EFNA5: variants seen among roughly 807,000 people sequenced by gnomAD.
The protein encoded by EFNA5 is ephrin A5.
EFNA5 carries 5 observed loss-of-function variants against 22.9 expected under a neutral mutation model. The observed-to-expected ratio is 0.22, with a 90% CI of 0.11 to 0.46. EFNA5 has a LOEUF of 0.46. Ranked by LOEUF, EFNA5 falls within the 20% of genes least tolerant of loss-of-function variation. The probability of loss-of-function intolerance (pLI) is 0.99; values close to 1 mark genes in which losing one functional copy is unlikely to be tolerated. For missense variants in EFNA5, 237 were observed against 293.3 expected, an observed-to-expected ratio of 0.81 and a Z score of 1.40; for synonymous variants, 113 against 112.2, an observed-to-expected ratio of 1.01 and a Z score of -0.04.
intron 1 of EFNA5, among the ~76,000 whole-genome samples, chr5:107,534,293 G>C (rs1360979583): frequency 2.0e-5 from 3 of 152,116 alleles, no homozygotes; most frequent in Admixed American, 6.5e-5. Context: ...CTTCTGTAAG[G>C]AACATTACTT....
chr5:107,427,538 A>G (rs2112421393), intron 1 of EFNA5, 29 bp from the exon 2 acceptor site: 1 of 1,558,344 alleles, frequency 6.4e-7, no homozygotes, highest in Non-Finnish European at 8.7e-7. Context: ...AAAATGTGAT[A>G]ATTCATAGAG....
chr5:107,625,211 T>A (rs1242385853), intron 1 of EFNA5, among the ~76,000 whole-genome samples: 3 of 152,168 alleles, frequency 2.0e-5, no homozygotes, highest in Admixed American at 2.0e-4. Context: ...GCCATTGGTT[T>A]GACTCAACTG....
At chr5:107,536,865 G>C (rs1479518039) in intron 1 of EFNA5, among the ~76,000 whole-genome samples, 4 of 152,166 alleles carry the variant, frequency 2.6e-5, no homozygotes, top group African/African-American at 9.7e-5. Flanking sequence ...CCAGCACTTT[G>C]GGAGGCCAAG....
At chr5:107,562,211 A>C (rs1170153791) in intron 1 of EFNA5, among the ~76,000 whole-genome samples, 2 of 152,148 alleles carry the variant, frequency 1.3e-5, no homozygotes, top group African/African-American at 4.8e-5. Flanking sequence ...AGGGCAAAAA[A>C]TTTTGCCACA....
At chr5:107,655,450 A>G (rs965464280) in intron 1 of EFNA5, among the ~76,000 whole-genome samples, 2 of 152,176 alleles carry the variant, frequency 1.3e-5, no homozygotes, top group Non-Finnish European at 2.9e-5. Context: ...CAGAGTTCAC[A>G]GTGTTCTTTC....
At chr5:107,470,437 G>T (rs1185196881) in intron 1 of EFNA5, among the ~76,000 whole-genome samples, 2 of 152,204 alleles carry the variant, frequency 1.3e-5, no homozygotes, top group African/African-American at 4.8e-5. Context: ...CATATGCATG[G>T]CAGCATTGAG....
intron 1 of EFNA5, among the ~76,000 whole-genome samples, chr5:107,516,109 A>G (rs1171902575): frequency 6.6e-6 from 1 of 151,646 alleles, no homozygotes; most frequent in Non-Finnish European, 1.5e-5. Flanking sequence ...GGCTCAAGTG[A>G]TCCTCCTGCC....
chr5:107,599,068 G>T (rs774797049), intron 1 of EFNA5, among the ~76,000 whole-genome samples: 1 of 152,136 alleles, frequency 6.6e-6, no homozygotes, highest in East Asian at 1.9e-4. Flanking sequence ...TGCATATTTG[G>T]TTTTTCTGTG....
chr5:107,533,343 T>C (rs1055085781), intron 1 of EFNA5, among the ~76,000 whole-genome samples: 3 of 152,170 alleles, frequency 2.0e-5, no homozygotes, highest in Non-Finnish European at 4.4e-5. Flanking sequence ...CAGAACACTT[T>C]AGTGCTTCAC....
At chr5:107,579,097 T>A (rs1748987492) in intron 1 of EFNA5, among the ~76,000 whole-genome samples, 1 of 152,128 alleles carries the variant, frequency 6.6e-6, no homozygotes, top group Admixed American at 6.5e-5. Flanking sequence ...CCTTGAACTC[T>A]ACATACCCTC....
At chr5:107,591,920 AT>A (rs1749348133) in intron 1 of EFNA5, among the ~76,000 whole-genome samples, 1 of 12,738 alleles carries the variant, frequency 7.9e-5, no homozygotes, top group African/African-American at 8.4e-4. Flanking sequence ...TAAAAAATAT[AT>A]ATATAATATA....
chr5:107,422,973 A>T (rs917572346), intron 2 of EFNA5, among the ~76,000 whole-genome samples: 3 of 152,208 alleles, frequency 2.0e-5, no homozygotes, highest in Non-Finnish European at 4.4e-5. Flanking sequence ...TTTAACTAGG[A>T]TTTATTGAAC....
chr5:107,643,806 T>G (rs991574283), intron 1 of EFNA5, among the ~76,000 whole-genome samples: 1 of 152,066 alleles, frequency 6.6e-6, no homozygotes, highest in African/African-American at 2.4e-5. Flanking sequence ...CTTTCCTGCC[T>G]TCTTTCCCAA....
Position 107,670,872 on chromosome 5 carries a change from A to C in EFNA5, c.-259T>G. Reference sequence around the variant, plus strand: ...CCCACTGGAGGGTTCAGGAGGAAAAAGGAATCACAAGATGGAGAGAAGCGT... The same window carrying C: ...CCCACTGGAGGGTTCAGGAGGAAAACGGAATCACAAGATGGAGAGAAGCGT... On this transcript the variant is annotated 5_prime_UTR_variant, in exon 1 of 5. Transcript: ENST00000333274. 2.2e-6 allele frequency: 1 copy of C among 459,042 alleles called. No individual in the cohort carries two copies. Among genetic ancestry groups the C allele is most frequent in the Non-Finnish European group, 3.9e-6 (1 of 258,556 alleles). The allele number at this position is 459,042 out of a possible 1,614,324, so 28.4% of individuals were successfully genotyped here. A position where few individuals can be genotyped will look rare whatever the true frequency, so the allele number is the denominator to read the frequency against.
At position 107,382,236 on chromosome 5, in the gene EFNA5, A is replaced by G. The variant is rs1747487869; in HGVS notation, c.566-860T>C. Among the ~76,000 whole-genome samples the G allele has an allele frequency of 2.0e-5, 3 of 152,210 alleles. No individual in the cohort carries two copies. In the South Asian group the frequency reaches 6.2e-4, roughly 32 times the overall value. On this transcript the variant is annotated intron_variant, in intron 4 of 4. Transcript: ENST00000333274. ...GCATGATTAACAGGCTTAACTTCCA[A>G]ATGGGAACTCTGAAGCAATTAGTAC...
At chr5:107,470,099 C>T (rs952425380) in intron 1 of EFNA5, among the ~76,000 whole-genome samples, 15 of 152,120 alleles carry the variant, frequency 9.9e-5, no homozygotes, top group African/African-American at 3.6e-4. Flanking sequence ...GTCTAAAATT[C>T]ATTAGGAGGG....
chr5:107,399,304 A>T (rs2112386771), intron 2 of EFNA5, among the ~76,000 whole-genome samples: 1 of 110,250 alleles, frequency 9.1e-6, no homozygotes, highest in Admixed American at 9.1e-5. Flanking sequence ...GAAGGAAGGA[A>T]GGAAGGAAGG....
In EFNA5 at chr5:107,379,303, T is replaced by C. The variant is rs1053169578; in HGVS notation, c.*1952A>G. On this transcript the variant is annotated 3_prime_UTR_variant, in exon 5 of 5. Coordinates refer to ENST00000333274, the MANE Select transcript of EFNA5 (RefSeq NM_001962.3). ...ACAACTCTCCAGGGCACAATACGTT[T>C]ACAGCTGCCTTTCCTTCACATACTT... 5.3e-5 allele frequency: 8 copies of C among 152,174 alleles called. No homozygotes were observed. The highest frequency in any genetic ancestry group is 1.0e-4 in the Non-Finnish European group (7 of 68,032). 9.4% of individuals were successfully genotyped at this position (152,174 alleles called of 1,614,324 possible). A position where few individuals can be genotyped will look rare whatever the true frequency, so the allele number is the denominator to read the frequency against.
intron 1 of EFNA5, among the ~76,000 whole-genome samples, chr5:107,602,660 T>G (rs576514119): frequency 6.6e-6 from 1 of 152,152 alleles, no homozygotes; most frequent in Admixed American, 6.5e-5. Context: ...GACTAATAAT[T>G]TGACTTAATT....
Sources: gnomAD v4.1 joint callset for allele counts (sites outside exome capture counted in the v4.1 genomes callset) on GRCh38, gnomAD v4.1.1 for gene constraint, MANE v1.5 for transcripts, NCBI Gene and HGNC (gene_info 2026-07-23, HGNC 2026-07-21) for gene names.